Variants in CNGA1 observed in about 807,000 individuals in gnomAD.
CNGA1 encodes cyclic nucleotide gated channel subunit alpha 1.
A neutral mutation model predicts 69.7 loss-of-function variants in CNGA1; 53 were observed. The observed-to-expected ratio is 0.76, with a 90% CI of 0.61 to 0.96. CNGA1 has a LOEUF of 0.96. Among genes scored for constraint, CNGA1 ranks in the 40% least tolerant of loss-of-function variants. The probability of loss-of-function intolerance (pLI) is 0.00; values close to 1 mark genes in which losing one functional copy is unlikely to be tolerated. For missense variants in CNGA1, 739 were observed against 811.2 expected, an observed-to-expected ratio of 0.91 and a Z score of 1.08; for synonymous variants, 249 against 283.5, an observed-to-expected ratio of 0.88 and a Z score of 1.22.
At chr4:47,958,046 C>T (rs769505264) in intron 3 of CNGA1, among the ~76,000 whole-genome samples, 3 of 151,952 alleles carry the variant, frequency 2.0e-5, no homozygotes, top group Admixed American at 2.0e-4. Context: ...AGGTGCGTGC[C>T]ACCACACCCA....
At chr4:47,944,348 A>T (rs1158361433) in intron 6 of CNGA1, among the ~76,000 whole-genome samples, 1 of 152,228 alleles carries the variant, frequency 6.6e-6, no homozygotes, top group Non-Finnish European at 1.5e-5. Flanking sequence ...GGTGAGGCTT[A>T]ACATCTAAGA....
chr4:47,943,127 C>A, intron 8 of CNGA1, 54 bp downstream of exon 8: 1 of 1,226,916 alleles, frequency 8.2e-7, no homozygotes, highest in East Asian at 2.3e-5. Context: ...ATCATCCCTG[C>A]ATCTAAAACC....
intron 3 of CNGA1, among the ~76,000 whole-genome samples, chr4:47,971,879 G>A (rs950539657): frequency 1.3e-5 from 2 of 150,454 alleles, no homozygotes; most frequent in Non-Finnish European, 2.9e-5. Context: ...GGGCAACAGA[G>A]CAAGACTCTC....
intron 3 of CNGA1, among the ~76,000 whole-genome samples, chr4:47,963,146 T>G (rs1740550633): frequency 1.3e-5 from 2 of 152,178 alleles, no homozygotes; most frequent in Admixed American, 1.3e-4. Context: ...AAATGGGATC[T>G]CACTTTATTG....
At chr4:47,989,830 T>C (rs781072629) in intron 2 of CNGA1, among the ~76,000 whole-genome samples, 7 of 151,578 alleles carry the variant, frequency 4.6e-5, no homozygotes, top group Non-Finnish European at 1.0e-4. Flanking sequence ...CCCAAGTCCA[T>C]TGTGTCATTC....
intron 2 of CNGA1, among the ~76,000 whole-genome samples, chr4:47,994,636 T>C (rs1742406815): frequency 6.6e-6 from 1 of 152,204 alleles, no homozygotes; most frequent in African/African-American, 2.4e-5. Flanking sequence ...TAATTCTTTA[T>C]CTTTTAAGTG....
intron 1 of CNGA1, among the ~76,000 whole-genome samples, chr4:48,013,985 C>G (rs1715273417): frequency 6.6e-6 from 1 of 152,192 alleles, no homozygotes; most frequent in South Asian, 2.1e-4. Flanking sequence ...TGGCCTTGTC[C>G]CTTGAGGCCC....
At chr4:47,985,946 A>C (rs1407118081) in intron 2 of CNGA1, among the ~76,000 whole-genome samples, 3 of 152,198 alleles carry the variant, frequency 2.0e-5, no homozygotes, top group Non-Finnish European at 4.4e-5. Flanking sequence ...TTAGCATTTC[A>C]CACACTGTCA....
At chr4:47,976,300 TAC>T (rs576406222) in intron 3 of CNGA1, among the ~76,000 whole-genome samples, 9 of 36,536 alleles carry the variant, frequency 2.5e-4, no homozygotes, top group African/African-American at 7.5e-4. Context: ...TATATACACA[TAC>T]ATATATATAT....
intron 2 of CNGA1, among the ~76,000 whole-genome samples, chr4:47,992,656 T>A (rs201962931): frequency 0.19 from 20,144 of 105,772 alleles, 1,708 homozygotes; most frequent in South Asian, 0.28. Flanking sequence ...GGATGCCATT[T>A]ATTATTTATT....
intron 3 of CNGA1, among the ~76,000 whole-genome samples, chr4:47,976,422 T>A (rs1165162826): frequency 1.3e-5 from 2 of 149,984 alleles, no homozygotes; most frequent in Non-Finnish European, 3.0e-5. Flanking sequence ...CTTCTTAAGG[T>A]CAAGAAACTT....
intron 10 of CNGA1, among the ~76,000 whole-genome samples, chr4:47,938,686 C>T (rs898049704): frequency 3.3e-5 from 5 of 152,058 alleles, no homozygotes; most frequent in African/African-American, 9.7e-5. Context: ...CCACTGAGCG[C>T]GGCCCTAAGT....
chr4:47,971,654 G>A (rs2054791493), intron 3 of CNGA1, among the ~76,000 whole-genome samples: 1 of 152,154 alleles, frequency 6.6e-6, no homozygotes, highest in African/African-American at 2.4e-5. Flanking sequence ...CAAACTTTGG[G>A]AGGCCAAGGT....
intron 2 of CNGA1, among the ~76,000 whole-genome samples, chr4:48,006,691 A>C (rs1224875124): frequency 6.6e-6 from 1 of 152,086 alleles, no homozygotes; most frequent in Non-Finnish European, 1.5e-5. Context: ...GCATGATCTC[A>C]GCTCACTGCA....
intron 9 of CNGA1, among the ~76,000 whole-genome samples, chr4:47,941,829 C>G (rs1439179714): frequency 6.6e-6 from 1 of 152,020 alleles, no homozygotes; most frequent in Non-Finnish European, 1.5e-5. Context: ...TCCATGCATC[C>G]CAGTACTGCA....
At chr4:47,995,549 T>C (rs1366349917) in intron 2 of CNGA1, among the ~76,000 whole-genome samples, 6 of 89,710 alleles carry the variant, frequency 6.7e-5, no homozygotes, top group African/African-American at 2.1e-4. Flanking sequence ...CTTCACTTCT[T>C]GTATCATTTT....
intron 3 of CNGA1, among the ~76,000 whole-genome samples, chr4:47,954,943 T>C (rs183796927): frequency 6.6e-6 from 1 of 152,228 alleles, no homozygotes; most frequent in South Asian, 2.1e-4. Context: ...AGGGCTGCTA[T>C]GTAAAGGTAC....
chr4:47,986,591 C>T (rs1172945532), intron 2 of CNGA1, among the ~76,000 whole-genome samples: 3 of 151,982 alleles, frequency 2.0e-5, no homozygotes, highest in East Asian at 1.9e-4. Flanking sequence ...AATAATCCTT[C>T]ATAAAGGCAT....
At chr4:47,983,350 G>A (rs911703836) in intron 2 of CNGA1, among the ~76,000 whole-genome samples, 2 of 151,986 alleles carry the variant, frequency 1.3e-5, no homozygotes, top group Admixed American at 1.3e-4. Context: ...CAGCACTTTG[G>A]GAGGCTGAGG....
Sources: gnomAD v4.1 joint callset for allele counts (sites outside exome capture counted in the v4.1 genomes callset) on GRCh38, gnomAD v4.1.1 for gene constraint, MANE v1.5 for transcripts, NCBI Gene and HGNC (gene_info 2026-07-23, HGNC 2026-07-21) for gene names.